Variants in ERC1 observed in about 807,000 individuals in gnomAD.
ERC1 encodes ELKS/RAB6-interacting/CAST family member 1.
Under a neutral mutation model 132.0 loss-of-function variants are expected in ERC1, and 56 were observed. The observed-to-expected ratio is 0.42, with a 90% CI of 0.34 to 0.53. The LOEUF (loss-of-function observed/expected upper bound fraction) is 0.53. ERC1 is among the 20% of genes least tolerant of loss of function. The probability of loss-of-function intolerance (pLI) is 0.03; values close to 1 mark genes in which losing one functional copy is unlikely to be tolerated. For synonymous variants in ERC1, 478 were observed against 476.1 expected, an observed-to-expected ratio of 1.00 and a Z score of -0.05; for missense variants, 1,202 against 1,349.9, an observed-to-expected ratio of 0.89 and a Z score of 1.72.
At chr12:1,002,340 ATTT>A (rs569633435) in intron 1 of ERC1, among the ~76,000 whole-genome samples, 1 of 131,464 alleles carries the variant, frequency 7.6e-6, no homozygotes. Flanking sequence ...TGCTTGGCTA[ATTT>A]TTTTTTTTTT....
At chr12:1,324,074 G>A (rs1261005521) in intron 15 of ERC1, among the ~76,000 whole-genome samples, 10 of 152,172 alleles carry the variant, frequency 6.6e-5, no homozygotes, top group Non-Finnish European at 1.5e-4. Flanking sequence ...TTTGAACAGT[G>A]CCCCTTTAGA....
Position 1,490,324 on chromosome 12 carries a change from C to A in ERC1, c.*94C>A. 1 of 1,258,318 alleles carries A rather than the reference C, an allele frequency of 7.9e-7. No individual in the cohort carries two copies. Among genetic ancestry groups the A allele is most frequent in the Non-Finnish European group, 1.1e-6 (1 of 906,142 alleles). The allele number at this position is 1,258,318 out of a possible 1,614,324, so 77.9% of individuals were successfully genotyped here. A position where few individuals can be genotyped will look rare whatever the true frequency, so the allele number is the denominator to read the frequency against. ...TGCCCGGAACCTTCTTGGCACCAAACACTACAAACTTCATCCCAACTTGCT... is the reference window on the plus strand; with the variant it reads ...TGCCCGGAACCTTCTTGGCACCAAAAACTACAAACTTCATCCCAACTTGCT... On this transcript the variant is annotated 3_prime_UTR_variant, in exon 19 of 19. Coordinates refer to ENST00000360905, the MANE Select transcript of ERC1 (RefSeq NM_178040.4).
At chr12:1,328,826 G>GGATGCAAAGTGAGGCAATAACTACAACA (rs1555362532) in intron 15 of ERC1, among the ~76,000 whole-genome samples, 3 of 149,104 alleles carry the variant, frequency 2.0e-5, no homozygotes, top group East Asian at 2.0e-4. Flanking sequence ...GTTGAATTAG[G>GGATGCAAAGTGAGGCAATAACTACAACA]AGCATCTAAT....
chr12:1,078,247 AT>A (rs1941646903), intron 2 of ERC1, among the ~76,000 whole-genome samples: 1 of 152,110 alleles, frequency 6.6e-6, no homozygotes, highest in African/African-American at 2.4e-5. Context: ...TCCCTTTGGG[AT>A]ATATTCACTC....
intron 13 of ERC1, among the ~76,000 whole-genome samples, chr12:1,262,771 GTT>G (rs1001409708): frequency 6.6e-6 from 1 of 152,140 alleles, no homozygotes; most frequent in Non-Finnish European, 1.5e-5. Flanking sequence ...ACACAGTTTT[GTT>G]CTCTCTGTTA....
At chr12:1,168,147 G>T (rs1271191746) in intron 8 of ERC1, among the ~76,000 whole-genome samples, 2 of 152,004 alleles carry the variant, frequency 1.3e-5, no homozygotes, top group African/African-American at 4.8e-5. Context: ...TTGAGACAGG[G>T]TCTCATTCTG....
chr12:1,180,289 ACGCGTGTGCGCGCGCG>A (rs1200850043), intron 8 of ERC1, among the ~76,000 whole-genome samples: 2,772 of 128,912 alleles, frequency 0.022, 74 homozygotes, highest in African/African-American at 0.11. Flanking sequence ...GTGTGCGCGC[ACGCGTGTGCGCGCGCG>A]CATACACATG....
intron 2 of ERC1, among the ~76,000 whole-genome samples, chr12:1,036,348 G>A (rs1158344471): frequency 6.7e-6 from 1 of 150,356 alleles, no homozygotes; most frequent in Non-Finnish European, 1.5e-5. Flanking sequence ...CATGATAAAA[G>A]CCATTATTAT....
intron 11 of ERC1, among the ~76,000 whole-genome samples, chr12:1,184,311 CAG>C (rs1594048980): frequency 6.7e-6 from 1 of 148,688 alleles, no homozygotes; most frequent in African/African-American, 2.5e-5. Context: ...CACATATTGT[CAG>C]AAAGTTTTTT....
At chr12:1,371,130 A>C (rs2087176472) in intron 15 of ERC1, among the ~76,000 whole-genome samples, 1 of 152,218 alleles carries the variant, frequency 6.6e-6, no homozygotes, top group Admixed American at 6.5e-5. Context: ...CATACAGCAG[A>C]TCTCTAGAAC....
Position 1,183,286 on chromosome 12 carries a change from A to C in ERC1, c.2022A>C (p.Ser674=), listed in dbSNP as rs759226380. ...LQGDLSEKEA[S]LLDLKEHASS... ...ATGTGTGTTCCTTCTTTTAGGCTTC[A>C]CTTTTGGATCTGAAAGAGCATGCTT... Residue 674 remains serine (S), a synonymous_variant, in exon 11 of 19, where the codon TCA becomes TCC. Transcript: ENST00000360905. 31 of 1,546,768 alleles carry C rather than the reference A, an allele frequency of 2.0e-5. No homozygotes were observed. In the African/African-American group the frequency reaches 3.5e-4, roughly 18 times the overall value.
intron 14 of ERC1, among the ~76,000 whole-genome samples, chr12:1,284,757 A>T (rs961331559): frequency 5.3e-5 from 8 of 152,090 alleles, no homozygotes; most frequent in African/African-American, 1.9e-4. Flanking sequence ...TGCAGCTGCA[A>T]ACTCCTGGGC....
At position 1,191,142 on chromosome 12, in the gene ERC1, T is replaced by C. The variant is rs970960741; in HGVS notation, c.2351+1090T>C. ...GCTGATTACCTGCTCACTTATTTCC[T>C]CTTATTTTGGTATTAACTCTACTCA... On this transcript the variant is annotated intron_variant, in intron 12 of 18. Transcript: ENST00000360905. 2.0e-5 allele frequency among the ~76,000 whole-genome samples: 3 copies of C among 152,176 alleles called. 1 individual carries two copies. Among genetic ancestry groups the C allele is most frequent in the Admixed American group, 1.3e-4 (2 of 15,270 alleles).
At chr12:1,300,040 G>A (rs551419735) in intron 15 of ERC1, among the ~76,000 whole-genome samples, 123 of 152,228 alleles carry the variant, frequency 8.1e-4, no homozygotes, top group African/African-American at 2.8e-3. Flanking sequence ...AAAGCTGGAG[G>A]CATTATGCTA....
Position 1,028,048 on chromosome 12 carries a change from G to A in ERC1, c.145G>A (p.Gly49Ser). The change falls in exon 2 of 19, where the codon GGC becomes AGC. Residue 49 changes from glycine (G) to serine (S), a missense_variant. By Grantham distance (56) the Gly-to-Ser change is moderately conservative. Coordinates refer to ENST00000360905, the MANE Select transcript of ERC1 (RefSeq NM_178040.4). ...GAGTTCGGGAAGCAGTGTTGGAGGT[G>A]GCAGTGGGAAAACCCTTTCAATGGA... ...GGSSGSSVGG[G>S]SGKTLSMENI... is the part of the protein sequence containing the mutation. The A allele has an allele frequency of 6.2e-7, 1 of 1,614,144 alleles. No homozygotes were observed. Among genetic ancestry groups the A allele is most frequent in the South Asian group, 1.1e-5 (1 of 91,072 alleles).
intron 12 of ERC1, among the ~76,000 whole-genome samples, chr12:1,236,488 G>A (rs896063363): frequency 2.0e-5 from 3 of 152,038 alleles, no homozygotes; most frequent in Non-Finnish European, 4.4e-5. Context: ...TTTCTTTTTA[G>A]TCATTTCAAA....
chr12:1,175,529 T>G (rs1272910622), intron 8 of ERC1, among the ~76,000 whole-genome samples: 1 of 147,980 alleles, frequency 6.8e-6, no homozygotes, highest in African/African-American at 2.4e-5. Context: ...GCTCCACATC[T>G]GTTCAATTTT....
At chr12:1,409,177 T>C (rs2091696736) in intron 17 of ERC1, among the ~76,000 whole-genome samples, 1 of 152,248 alleles carries the variant, frequency 6.6e-6, no homozygotes, top group African/African-American at 2.4e-5. Context: ...AGTCCTATTA[T>C]GATGACGTTT....
chr12:1,037,096 C>G (rs1592851348), intron 2 of ERC1, among the ~76,000 whole-genome samples: 1 of 152,128 alleles, frequency 6.6e-6, no homozygotes, highest in East Asian at 1.9e-4. Flanking sequence ...GTTTGCTTAT[C>G]TGGAATGTAG....
Sources: gnomAD v4.1 joint callset for allele counts (sites outside exome capture counted in the v4.1 genomes callset) on GRCh38, gnomAD v4.1.1 for gene constraint, MANE v1.5 for transcripts, NCBI Gene and HGNC (gene_info 2026-07-23, HGNC 2026-07-21) for gene names.